Variants in HSD17B4 observed in about 807,000 individuals in gnomAD.
HSD17B4 encodes peroxisomal multifunctional enzyme type 2.
In HSD17B4, 70 loss-of-function variants were observed where a neutral mutation model predicts 101.0. The ratio of observed to expected loss-of-function variants is 0.69; its 90% CI spans 0.57 to 0.85. The LOEUF (loss-of-function observed/expected upper bound fraction) is 0.85. Among genes scored for constraint, HSD17B4 ranks in the 40% least tolerant of loss-of-function variants. The pLI is 0.00. For missense variants in HSD17B4, 984 were observed against 892.4 expected, an observed-to-expected ratio of 1.10 and a Z score of -1.31; for synonymous variants, 347 against 297.1, an observed-to-expected ratio of 1.17 and a Z score of -1.73.
Position 119,489,275 on chromosome 5 carries a change from T to C in HSD17B4, c.706T>C (p.Leu236=), listed in dbSNP as rs1370975733. ...CHESCEENGG[L]FEVGAGWIGK... is the part of the protein sequence containing the mutation. ...CGAGAGTTGTGAGGAGAATGGTGGCTTGTTTGAGGTATTTGCACCTTCCTG... is the reference window on the plus strand; with the variant it reads ...CGAGAGTTGTGAGGAGAATGGTGGCCTGTTTGAGGTATTTGCACCTTCCTG... The change falls in exon 9 of 24, where the codon TTG becomes CTG. Residue 236 remains leucine, a synonymous_variant. Coordinates refer to ENST00000510025, the MANE Select transcript of HSD17B4 (RefSeq NM_000414.4). 6.2e-7 allele frequency: 1 copy of C among 1,609,068 alleles called. No individual in the cohort carries two copies. The highest frequency in any genetic ancestry group is 1.1e-5 in the South Asian group (1 of 90,990).
intron 1 of HSD17B4, 120 bp from the exon 2 acceptor site, chr5:119,456,195 G>C (rs1754629429): frequency 1.4e-6 from 1 of 738,942 alleles, no homozygotes; most frequent in Non-Finnish European, 2.5e-6. Context: ...GATAGGTTGA[G>C]AGTATCATTA....
At chr5:119,468,710 G>T (rs1264635573) in intron 2 of HSD17B4, among the ~76,000 whole-genome samples, 1 of 151,776 alleles carries the variant, frequency 6.6e-6, no homozygotes, top group Non-Finnish European at 1.5e-5. Flanking sequence ...GCCCAACTTC[G>T]CTCCTTCTGT....
chr5:119,456,421 C>T (rs1369919837), intron 2 of HSD17B4, 53 bp downstream of exon 2: 13 of 1,013,388 alleles, frequency 1.3e-5, no homozygotes, highest in Non-Finnish European at 2.1e-5. Context: ...GAAATACAAT[C>T]TTTACAAGCT....
chr5:119,474,320 C>A, intron 3 of HSD17B4, 81 bp from the exon 4 acceptor site: 1 of 846,860 alleles, frequency 1.2e-6, no homozygotes, highest in South Asian at 1.3e-5. Context: ...TAGTATTTGT[C>A]GTGTACTCTG....
intron 17 of HSD17B4, among the ~76,000 whole-genome samples, chr5:119,518,139 A>T (rs998533692): frequency 6.6e-6 from 1 of 151,512 alleles, no homozygotes; most frequent in Non-Finnish European, 1.5e-5. Flanking sequence ...TTGTTCTTTC[A>T]CTCTTTGCAA....
At chr5:119,473,769 G>A (rs1748275034) in intron 2 of HSD17B4, 139 bp from the exon 3 acceptor site, 1 of 695,674 alleles carries the variant, frequency 1.4e-6, no homozygotes, top group Non-Finnish European at 2.7e-6. Context: ...TGTTTAGTAA[G>A]ATGGGATAGG....
intron 3 of HSD17B4, 109 bp downstream of exon 3, chr5:119,474,124 T>C (rs1748335156): frequency 2.6e-6 from 2 of 771,114 alleles, no homozygotes; most frequent in African/African-American, 3.5e-5. Context: ...ATTATGATTT[T>C]CTAAGTCTGC....
rs144359044 is a variant in HSD17B4, at chr5:119,534,311, G to A, written c.1994-2112G>A. On this transcript the variant is annotated intron_variant, in intron 22 of 23. Coordinates refer to ENST00000510025, the MANE Select transcript of HSD17B4 (RefSeq NM_000414.4). ...AAATGAGCCGAGTTTTAAAAGGCAC[G>A]TACTATAATTAGTTGTGTAGAGTTA... Among the ~76,000 whole-genome samples, 264 of 152,138 alleles carry A rather than the reference G, an allele frequency of 1.7e-3. 5 individuals are homozygous for A. In the South Asian group the frequency reaches 0.046, roughly 26 times the overall value.
At chr5:119,469,125 T>C (rs1300972276) in intron 2 of HSD17B4, among the ~76,000 whole-genome samples, 1 of 152,014 alleles carries the variant, frequency 6.6e-6, no homozygotes, top group South Asian at 2.1e-4. Flanking sequence ...TAATGAATTG[T>C]TTTTCTGATT....
intron 2 of HSD17B4, among the ~76,000 whole-genome samples, chr5:119,472,997 A>G (rs866320999): frequency 1.1e-4 from 17 of 152,172 alleles, no homozygotes; most frequent in Admixed American, 7.2e-4. Flanking sequence ...TTGCTTGTAT[A>G]TACCCCATTT....
At chr5:119,475,681 T>C in intron 4 of HSD17B4, 25 bp from the exon 5 acceptor site, 1 of 1,570,014 alleles carries the variant, frequency 6.4e-7, no homozygotes, top group Non-Finnish European at 8.8e-7. Flanking sequence ...CTTTTAGATG[T>C]AACTTGTATC....
chr5:119,499,627 T>C (rs573133712), intron 13 of HSD17B4, 74 bp downstream of exon 13: 3 of 826,296 alleles, frequency 3.6e-6, no homozygotes, highest in East Asian at 2.5e-5. Flanking sequence ...ATATCTTATA[T>C]ATATGTGTGT....
intron 2 of HSD17B4, among the ~76,000 whole-genome samples, chr5:119,458,372 C>G (rs899331395): frequency 1.4e-5 from 2 of 147,808 alleles, no homozygotes; most frequent in Non-Finnish European, 3.0e-5. Context: ...GAGATGGAGT[C>G]TTGCTCTGTT....
At chr5:119,463,588 A>T (rs1251203194) in intron 2 of HSD17B4, among the ~76,000 whole-genome samples, 5 of 81,830 alleles carry the variant, frequency 6.1e-5, no homozygotes, top group Admixed American at 1.3e-4. Flanking sequence ...TGTGATTTTG[A>T]TTTGCATTTT....
intron 22 of HSD17B4, among the ~76,000 whole-genome samples, chr5:119,531,730 TTAAACA>T (rs1754134225): frequency 6.6e-6 from 1 of 152,120 alleles, no homozygotes; most frequent in South Asian, 2.1e-4. Flanking sequence ...CTTCAGCTTC[TTAAACA>T]TAAGGCAAAT....
intron 8 of HSD17B4, among the ~76,000 whole-genome samples, chr5:119,488,401 T>A (rs997537450): frequency 6.6e-6 from 1 of 152,130 alleles, no homozygotes; most frequent in Non-Finnish European, 1.5e-5. Context: ...ATAGAAGGAA[T>A]AAATTCTAGT....
chr5:119,539,497 C>T (rs1053364710), intron 23 of HSD17B4, among the ~76,000 whole-genome samples: 19 of 151,478 alleles, frequency 1.3e-4, no homozygotes, highest in Non-Finnish European at 1.9e-4. Context: ...GACGAGTTAA[C>T]GGGTGCAGCA....
chr5:119,477,537 A>G, intron 7 of HSD17B4, 36 bp downstream of exon 7: 1 of 1,400,588 alleles, frequency 7.1e-7, no homozygotes, highest in Admixed American at 1.7e-5. Context: ...GGGATTTAAG[A>G]TGTTGTGTCT....
chr5:119,458,469 G>T (rs1296493864), intron 2 of HSD17B4, among the ~76,000 whole-genome samples: 2 of 150,320 alleles, frequency 1.3e-5, no homozygotes, highest in Non-Finnish European at 3.0e-5. Context: ...AGCCTCCCAA[G>T]TAGCTGGGAT....
Sources: allele counts gnomAD v4.1 joint callset (sites outside exome capture counted in the v4.1 genomes callset), GRCh38; gene constraint gnomAD v4.1.1; transcripts MANE v1.5; gene names NCBI Gene and HGNC (gene_info 2026-07-23, HGNC 2026-07-21).